The following GNG4 variants were observed in gnomAD, a reference collection of about 807,000 sequenced individuals.
GNG4 encodes the protein guanine nucleotide-binding protein G(I)/G(S)/G(O) subunit gamma-4.
In GNG4, 4 loss-of-function variants were observed where a neutral mutation model predicts 5.8. That is an observed-to-expected ratio of 0.69 (90% CI 0.34 to 1.57). GNG4 has a LOEUF of 1.57. GNG4 is among the 40% of genes most tolerant of loss of function. The pLI is 0.06. For missense variants in GNG4, 96 were observed against 95.1 expected, an observed-to-expected ratio of 1.01 and a Z score of -0.04; for synonymous variants, 29 against 32.9, an observed-to-expected ratio of 0.88 and a Z score of 0.41.
At chr1:235,640,362 C>T (rs1023072772) in intron 1 of GNG4, among the ~76,000 whole-genome samples, 1 of 152,178 alleles carries the variant, frequency 6.6e-6, no homozygotes, top group Non-Finnish European at 1.5e-5. Flanking sequence ...GACTAATTCC[C>T]GGACCCTAGC....
At chr1:235,590,583 G>C (rs1200110354) in intron 2 of GNG4, among the ~76,000 whole-genome samples, 1 of 152,180 alleles carries the variant, frequency 6.6e-6, no homozygotes, top group African/African-American at 2.4e-5. Context: ...CCTGCTCCAC[G>C]GTCTCTGCTC....
chr1:235,628,422 G>GGGC (rs1553372197), intron 1 of GNG4, among the ~76,000 whole-genome samples: 3 of 150,630 alleles, frequency 2.0e-5, no homozygotes, highest in African/African-American at 7.5e-5. Flanking sequence ...GAGACGGGGG[G>GGGC]GGGTTACAAG....
At chr1:235,611,494 T>C (rs963179533) in intron 1 of GNG4, among the ~76,000 whole-genome samples, 5 of 152,124 alleles carry the variant, frequency 3.3e-5, no homozygotes, top group Middle Eastern at 3.2e-3. Context: ...TTCTTGAATA[T>C]GTAGTGCCCA....
chr1:235,580,285 A>G (rs1687596763), intron 3 of GNG4, among the ~76,000 whole-genome samples: 1 of 152,224 alleles, frequency 6.6e-6, no homozygotes, highest in Non-Finnish European at 1.5e-5. Flanking sequence ...TTGGCACTGA[A>G]TGGGTACAGA....
chr1:235,554,523 C>T (rs2102910028), intron 3 of GNG4, among the ~76,000 whole-genome samples: 1 of 152,294 alleles, frequency 6.6e-6, no homozygotes, highest in African/African-American at 2.4e-5. Flanking sequence ...GCCCCTGACT[C>T]CAGTGAGCTC....
chr1:235,646,131 A>C (rs1405312418), intron 1 of GNG4, among the ~76,000 whole-genome samples: 1 of 152,226 alleles, frequency 6.6e-6, no homozygotes, highest in Non-Finnish European at 1.5e-5. Flanking sequence ...CCATGGCCTC[A>C]GAGCACATGT....
intron 3 of GNG4, among the ~76,000 whole-genome samples, chr1:235,555,412 G>A (rs1686874458): frequency 6.6e-6 from 1 of 152,158 alleles, no homozygotes; most frequent in African/African-American, 2.4e-5. Context: ...TTTACTGAGT[G>A]CTTCTCAGGT....
intron 3 of GNG4, among the ~76,000 whole-genome samples, chr1:235,563,697 C>T (rs891456937): frequency 6.6e-6 from 1 of 152,180 alleles, no homozygotes; most frequent in Admixed American, 6.5e-5. Flanking sequence ...CAACTTGGCA[C>T]ATGTGACTTT....
chr1:235,636,503 C>A (rs888468023), intron 1 of GNG4, among the ~76,000 whole-genome samples: 1 of 152,122 alleles, frequency 6.6e-6, no homozygotes, highest in African/African-American at 2.4e-5. Flanking sequence ...GGGAGCAGTG[C>A]CTGCAGCAAG....
At chr1:235,639,778 A>C (rs1218128416) in intron 1 of GNG4, among the ~76,000 whole-genome samples, 2 of 152,194 alleles carry the variant, frequency 1.3e-5, no homozygotes, top group Non-Finnish European at 2.9e-5. Flanking sequence ...AAGTGCTGGG[A>C]TATCAGGCGT....
intron 3 of GNG4, among the ~76,000 whole-genome samples, chr1:235,568,659 G>A (rs1687262500): frequency 6.6e-6 from 1 of 152,070 alleles, no homozygotes; most frequent in Non-Finnish European, 1.5e-5. Flanking sequence ...CAGAACTGTG[G>A]GGAAGTGTTG....
intron 1 of GNG4, among the ~76,000 whole-genome samples, chr1:235,646,587 TCACGGC>T (rs764247237): frequency 1.7e-4 from 26 of 152,272 alleles, no homozygotes; most frequent in Non-Finnish European, 3.1e-4. Context: ...CCCACAAACC[TCACGGC>T]CATGGAGACG....
At chr1:235,629,431 G>A (rs1252236151) in intron 1 of GNG4, among the ~76,000 whole-genome samples, 1 of 151,740 alleles carries the variant, frequency 6.6e-6, no homozygotes, top group Non-Finnish European at 1.5e-5. Context: ...TTACTCTCGG[G>A]GACCTAGGCC....
At chr1:235,594,676 A>G (rs1293921611) in intron 2 of GNG4, among the ~76,000 whole-genome samples, 4 of 152,162 alleles carry the variant, frequency 2.6e-5, no homozygotes, top group Non-Finnish European at 5.9e-5. Flanking sequence ...GGCCGCTCCC[A>G]GTGCGGGGCC....
intron 3 of GNG4, among the ~76,000 whole-genome samples, chr1:235,571,455 A>C (rs1315004731): frequency 1.3e-5 from 2 of 152,230 alleles, no homozygotes; most frequent in Non-Finnish European, 2.9e-5. Flanking sequence ...ACTTGTTCAG[A>C]ACAACGCGTA....
At chr1:235,587,901 TGTGA>T (rs1230361295) in intron 2 of GNG4, among the ~76,000 whole-genome samples, 1 of 132,028 alleles carries the variant, frequency 7.6e-6, no homozygotes, top group African/African-American at 2.8e-5. Flanking sequence ...GTGTCTGGAG[TGTGA>T]GTGTGTGGGT....
intron 1 of GNG4, among the ~76,000 whole-genome samples, chr1:235,625,121 T>C (rs1688783537): frequency 6.6e-6 from 1 of 152,100 alleles, no homozygotes; most frequent in Non-Finnish European, 1.5e-5. Flanking sequence ...GGAACGAAGA[T>C]TGATGTCTTT....
chr1:235,570,923 T>C lies in GNG4; in HGVS notation c.99+12817A>G, dbSNP rs369755137. ...GTGTGTGTGTGTATACATATATATA[T>C]ACACACACACACACACACACACATA... On this transcript the variant is annotated intron_variant, in intron 3 of 3. Transcript: ENST00000391854. 2.0e-3 allele frequency among the ~76,000 whole-genome samples: 191 copies of C among 97,350 alleles called. 1 individual carries two copies. The highest frequency in any genetic ancestry group is 9.9e-3 in the South Asian group (33 of 3,338). 63.9% of individuals were successfully genotyped at this position (97,350 alleles called of 152,430 possible).
At position 235,587,659 on chromosome 1, in the gene GNG4, T is replaced by TG. The variant is rs1313327427; in HGVS notation, c.-10-3812dup. On this transcript the variant is annotated intron_variant, in intron 2 of 3. Coordinates refer to ENST00000391854, the MANE Select transcript of GNG4 (RefSeq NM_001098722.2). Reference sequence around the variant, plus strand: ...AGTGTGAGTGTGGGAGGGTGTTGGGTGTGTGTGTGACTGTGGGGTATGTGT... The same window carrying TG: ...AGTGTGAGTGTGGGAGGGTGTTGGGTGGTGTGTGTGACTGTGGGGTATGTGT... Among the ~76,000 whole-genome samples the TG allele has an allele frequency of 9.7e-5, 8 of 82,264 alleles. 1 individual carries two copies. Among genetic ancestry groups the TG allele is most frequent in the African/African-American group, 4.0e-4 (8 of 19,910 alleles). The allele number at this position is 82,264 out of a possible 152,430, so 54.0% of individuals were successfully genotyped here.
Sources: allele counts gnomAD v4.1 joint callset (sites outside exome capture counted in the v4.1 genomes callset), GRCh38; gene constraint gnomAD v4.1.1; transcripts MANE v1.5; gene names NCBI Gene and HGNC (gene_info 2026-07-23, HGNC 2026-07-21).